SAMHD1: variants seen among roughly 807,000 people sequenced by gnomAD.
SAMHD1 encodes deoxynucleoside triphosphate triphosphohydrolase SAMHD1.
SAMHD1 carries 54 observed loss-of-function variants against 79.6 expected under a neutral mutation model. The observed-to-expected ratio is 0.68, with a 90% CI of 0.55 to 0.85. The LOEUF is 0.85. SAMHD1 is among the 40% of genes least tolerant of loss of function. SAMHD1 has a pLI of 0.00. For synonymous variants in SAMHD1, 260 were observed against 264.1 expected (o/e 0.98, Z 0.15); for missense variants, 663 against 782.7 (o/e 0.85, Z 1.82).
intron 7 of SAMHD1, among the ~76,000 whole-genome samples, chr20:36,918,684 C>A (rs930051098): frequency 6.6e-6 from 1 of 151,322 alleles, no homozygotes; most frequent in East Asian, 1.9e-4. Context: ...CACCTGTAAT[C>A]CCAGCTACTC....
At position 36,897,898 on chromosome 20, in the gene SAMHD1, A is replaced by G. The variant is rs769234037; in HGVS notation, c.1670T>C (p.Val557Ala). 22 of 1,614,078 alleles carry G rather than the reference A, an allele frequency of 1.4e-5. No homozygotes were observed. Among genetic ancestry groups the G allele is most frequent in the African/African-American group, 4.0e-5 (3 of 74,930 alleles). Residue 557 changes from valine to alanine, a missense_variant, in exon 15 of 16, where the codon GTG (valine) becomes GCG (alanine). Physicochemically the swap from Val to Ala is moderately conservative, Grantham distance 64. Coordinates refer to ENST00000646673, the MANE Select transcript of SAMHD1 (RefSeq NM_015474.4). ...TGCGGCATACAAACTCTTTCTGTCC[A>G]CCTTCTTACAATATACTCGAATCAG... is the stretch of plus-strand genomic sequence containing the variant. Reference protein sequence around the residue: ...EQLIRVYCKKVDRKSLYAARQ... With the variant: ...EQLIRVYCKKADRKSLYAARQ...
In SAMHD1 at chr20:36,904,183, G is replaced by C; in HGVS notation, c.1477C>G (p.Leu493Val). 1 of 1,613,260 alleles carries C rather than the reference G, an allele frequency of 6.2e-7. No homozygotes were observed. ...AKPKVLLDVKLKAEDFIVDVI... is the reference protein window; with the variant it reads ...AKPKVLLDVKVKAEDFIVDVI... ...TCCACTATAAAATCTTCAGCCTTCA[G>C]TTTCACGTCTAGCAATACTTTGGGT... Residue 493 changes from leucine (L) to valine (V), a missense_variant, in exon 13 of 16, where the codon CTG (leucine) becomes GTG (valine). By Grantham distance (32) the Leu-to-Val change is conservative (BLOSUM62 1). Coordinates refer to ENST00000646673, the MANE Select transcript of SAMHD1 (RefSeq NM_015474.4).
At chr20:36,946,699 G>T (rs1470867607) in intron 2 of SAMHD1, 39 bp downstream of exon 2, 1 of 1,495,772 alleles carries the variant, frequency 6.7e-7, no homozygotes, top group South Asian at 1.2e-5. Context: ...TGGATAAAGT[G>T]TGTTTGGTTA....
At chr20:36,894,331 G>A (rs1990155643) in intron 15 of SAMHD1, 1 of 155,302 alleles carries the variant, frequency 6.4e-6, no homozygotes, top group Non-Finnish European at 1.4e-5. Context: ...CCACCTCCAG[G>A]GTTCAAGCGA....
At chr20:36,935,239 G>T in intron 3 of SAMHD1, 50 bp from the exon 4 acceptor site, 1 of 1,472,764 alleles carries the variant, frequency 6.8e-7, no homozygotes, top group Non-Finnish European at 9.5e-7. Context: ...AAGTCCAACT[G>T]AAATTTGTGT....
At chr20:36,912,355 T>C (rs2063445490) in intron 10 of SAMHD1, 106 bp downstream of exon 10, 1 of 731,950 alleles carries the variant, frequency 1.4e-6, no homozygotes, top group African/African-American at 1.8e-5. Context: ...TTTAATCACT[T>C]AATATTCACT....
Position 36,933,036 on chromosome 20 carries a change from G to C in SAMHD1, c.509+1993C>G, listed in dbSNP as rs75822874. Among the ~76,000 whole-genome samples the C allele has an allele frequency of 2.4e-3, 359 of 152,128 alleles. 6 individuals are homozygous for C. The highest frequency in any genetic ancestry group is 8.4e-3 in the African/African-American group (348 of 41,518). On this transcript the variant is annotated intron_variant, in intron 4 of 15. Transcript: ENST00000646673. The stretch of plus-strand genomic sequence containing the variant: ...AGCCATTCCTAAATTCTTTTCCCCT[G>C]AACTCTGAGCTACATGAGGACAGAG...
Position 36,898,086 on chromosome 20 carries a change from C to G in SAMHD1, c.1609-127G>C, listed in dbSNP as rs976996687. ...TCTCCCTGTCACCCAGGCTGGAGTGCAGTGGCACAATCACAGCTCACTGAA... is the reference window on the plus strand; with the variant it reads ...TCTCCCTGTCACCCAGGCTGGAGTGGAGTGGCACAATCACAGCTCACTGAA... On this transcript the variant is annotated intron_variant, in intron 14 of 15. Coordinates refer to ENST00000646673, the MANE Select transcript of SAMHD1 (RefSeq NM_015474.4). 51 of 1,164,270 alleles carry G rather than the reference C, an allele frequency of 4.4e-5. 1 individual carries two copies. In the Admixed American group the frequency reaches 8.7e-4, roughly 20 times the overall value. The allele number at this position is 1,164,270 out of a possible 1,614,324, so 72.1% of individuals were successfully genotyped here.
chr20:36,929,175 G>C (rs2063553752), intron 5 of SAMHD1, among the ~76,000 whole-genome samples: 1 of 152,096 alleles, frequency 6.6e-6, no homozygotes, highest in Admixed American at 6.6e-5. Context: ...CAGTGCTCAG[G>C]CTCCTGGGGA....
intron 5 of SAMHD1, among the ~76,000 whole-genome samples, chr20:36,928,156 G>A (rs999750955): frequency 6.6e-6 from 1 of 152,102 alleles, no homozygotes; most frequent in Non-Finnish European, 1.5e-5. Flanking sequence ...GGAGGCTGAG[G>A]TGGGTGGATC....
intron 13 of SAMHD1, among the ~76,000 whole-genome samples, chr20:36,902,711 G>A (rs981138905): frequency 2.0e-5 from 3 of 152,026 alleles, no homozygotes; most frequent in Admixed American, 2.0e-4. Flanking sequence ...TGCAGAAAAT[G>A]AGTGAATTAC....
At chr20:36,947,050 C>A in intron 1 of SAMHD1, 1 of 374,732 alleles carries the variant, frequency 2.7e-6, no homozygotes, top group Non-Finnish European at 4.9e-6. Flanking sequence ...AAATTAGTTC[C>A]AAGAAAAACC....
Position 36,910,154 on chromosome 20 carries a change from C to T in SAMHD1, c.1270+1064G>A, listed in dbSNP as rs187908117. 3.8e-4 allele frequency among the ~76,000 whole-genome samples: 57 copies of T among 149,588 alleles called. 1 individual carries two copies. The East Asian group carries it at 0.011, about 28-fold the overall frequency. ...AGGAGAATGGTGTGAACCCGGGAGG[C>T]AGAGCTTGTAGTGAGCCGAGATTGT... On this transcript the variant is annotated intron_variant, in intron 11 of 15. Transcript: ENST00000646673.
At chr20:36,930,543 T>A (rs1354886691) in intron 5 of SAMHD1, among the ~76,000 whole-genome samples, 1 of 151,158 alleles carries the variant, frequency 6.6e-6, no homozygotes, top group Admixed American at 6.6e-5. Flanking sequence ...ATGTTTAACA[T>A]GAGAAATTCA....
chr20:36,930,996 G>T (rs1391230728), intron 4 of SAMHD1, 121 bp from the exon 5 acceptor site: 7 of 724,844 alleles, frequency 9.7e-6, no homozygotes, highest in South Asian at 8.7e-5. Flanking sequence ...CAACTTTACT[G>T]AACAGTATAT....
chr20:36,897,123 C>T lies in SAMHD1; in HGVS notation c.1746+699G>A, dbSNP rs1990213050. Among the ~76,000 whole-genome samples the T allele has an allele frequency of 2.0e-5, 3 of 152,238 alleles. No homozygotes were observed. In the South Asian group the frequency reaches 6.2e-4, roughly 31 times the overall value. On this transcript the variant is annotated intron_variant, in intron 15 of 15. Coordinates refer to ENST00000646673, the MANE Select transcript of SAMHD1 (RefSeq NM_015474.4). ...CTTGTGGCACTTGATAAAGCACCGACATCCTGAGCTACGCTTTCATGTCTC... is the reference window on the plus strand; with the variant it reads ...CTTGTGGCACTTGATAAAGCACCGATATCCTGAGCTACGCTTTCATGTCTC...
chr20:36,916,138 G>T (rs1159514849), intron 9 of SAMHD1, among the ~76,000 whole-genome samples: 1 of 151,848 alleles, frequency 6.6e-6, no homozygotes, highest in Non-Finnish European at 1.5e-5. Flanking sequence ...TCCAGCCTGG[G>T]TGACTGAGCG....
intron 2 of SAMHD1, among the ~76,000 whole-genome samples, chr20:36,944,210 G>C (rs1254122994): frequency 6.6e-6 from 1 of 151,818 alleles, no homozygotes; most frequent in Non-Finnish European, 1.5e-5. Flanking sequence ...AACCGGGCAT[G>C]GTGGCACATG....
chr20:36,913,440 C>CT, intron 9 of SAMHD1, among the ~76,000 whole-genome samples: 1 of 151,098 alleles, frequency 6.6e-6, no homozygotes, highest in East Asian at 2.0e-4. Flanking sequence ...CCTGTCTCTA[C>CT]AAAAATACAA....
Sources: gnomAD v4.1 joint callset for allele counts (sites outside exome capture counted in the v4.1 genomes callset) on GRCh38, gnomAD v4.1.1 for gene constraint, MANE v1.5 for transcripts, NCBI Gene and HGNC (gene_info 2026-07-23, HGNC 2026-07-21) for gene names.